The following ARHGAP24 variants were observed in gnomAD, a reference collection of about 807,000 sequenced individuals.
The protein encoded by ARHGAP24 is rho GTPase-activating protein 24.
Under a neutral mutation model 76.4 loss-of-function variants are expected in ARHGAP24, and 50 were observed. The observed-to-expected ratio is 0.65, with a 90% CI of 0.52 to 0.83. The LOEUF is 0.83. Among genes scored for constraint, ARHGAP24 ranks in the 40% least tolerant of loss-of-function variants. The probability of loss-of-function intolerance (pLI) is 0.00; values close to 1 mark genes in which losing one functional copy is unlikely to be tolerated. For synonymous variants in ARHGAP24, 345 were observed against 323.3 expected, an observed-to-expected ratio of 1.07 and a Z score of -0.72; for missense variants, 930 against 914.2, an observed-to-expected ratio of 1.02 and a Z score of -0.22.
At chr4:85,838,623 T>G (rs1221081374) in intron 3 of ARHGAP24, among the ~76,000 whole-genome samples, 3 of 152,214 alleles carry the variant, frequency 2.0e-5, no homozygotes, top group Admixed American at 1.3e-4. Context: ...AAATAACTAC[T>G]GCAAAATGTG....
intron 2 of ARHGAP24, among the ~76,000 whole-genome samples, chr4:85,681,707 C>T (rs1268296378): frequency 6.6e-6 from 1 of 152,190 alleles, no homozygotes; most frequent in Non-Finnish European, 1.5e-5. Flanking sequence ...CAATAGGTAA[C>T]AGTTCTTCAT....
chr4:85,778,800 A>G, intron 3 of ARHGAP24: 1 of 985,398 alleles, frequency 1.0e-6, no homozygotes, highest in Non-Finnish European at 1.2e-6. Flanking sequence ...ACTTAAATAT[A>G]GCTACCACCG....
chr4:85,917,651 C>T (rs1478405933), intron 3 of ARHGAP24, among the ~76,000 whole-genome samples: 2 of 152,158 alleles, frequency 1.3e-5, no homozygotes, highest in Non-Finnish European at 2.9e-5. Context: ...ATTTGCATTT[C>T]TCTGATGGCC....
chr4:85,991,772 T>C (rs1044096174), intron 8 of ARHGAP24: 4 of 174,202 alleles, frequency 2.3e-5, no homozygotes, highest in Admixed American at 1.3e-4. Context: ...TTCAGGAGTA[T>C]ACACATTTGT....
chr4:85,831,719 T>C (rs989454875), intron 3 of ARHGAP24, among the ~76,000 whole-genome samples: 4 of 152,070 alleles, frequency 2.6e-5, no homozygotes, highest in Non-Finnish European at 4.4e-5. Context: ...CTAGACAACA[T>C]AGCAAAACTC....
chr4:85,564,589 T>TCCGCAA (rs1457095119), intron 1 of ARHGAP24, among the ~76,000 whole-genome samples: 1 of 151,442 alleles, frequency 6.6e-6, no homozygotes, highest in African/African-American at 2.4e-5. Context: ...AGAGCAGTGG[T>TCCGCAA]CCGCAACCTT....
chr4:85,997,401 TAGATAGATAGA>T, intron 9 of ARHGAP24, among the ~76,000 whole-genome samples: 1 of 114,960 alleles, frequency 8.7e-6, no homozygotes, highest in Non-Finnish European at 2.1e-5. Flanking sequence ...GATAGATAGA[TAGATAGATAGA>T]TAATATTTTA....
chr4:85,823,934 T>G (rs1001863014), intron 3 of ARHGAP24, among the ~76,000 whole-genome samples: 10 of 150,278 alleles, frequency 6.7e-5, no homozygotes, highest in Non-Finnish European at 1.0e-4. Context: ...TTAGGAAACT[T>G]TGAATGAAAG....
At chr4:85,707,576 C>A (rs1011199581) in intron 2 of ARHGAP24, among the ~76,000 whole-genome samples, 4 of 152,104 alleles carry the variant, frequency 2.6e-5, no homozygotes, top group African/African-American at 9.7e-5. Context: ...TAGGTAATAA[C>A]AAGCAGGGAT....
intron 2 of ARHGAP24, among the ~76,000 whole-genome samples, chr4:85,700,451 G>T (rs1430657184): frequency 2.0e-5 from 3 of 151,460 alleles, no homozygotes; most frequent in Non-Finnish European, 4.4e-5. Context: ...AACAGGAGTT[G>T]CTAATGCAGC....
At position 85,675,134 on chromosome 4, in the gene ARHGAP24, A is replaced by G. The variant is rs538913241; in HGVS notation, c.181-46751A>G. The stretch of plus-strand genomic sequence containing the variant: ...AGACTGGTAAGCATTGTCCTTTGGC[A>G]GGAGTGAAAACCTAAAGGCTGCATG... On this transcript the variant is annotated intron_variant, in intron 2 of 9. Transcript: ENST00000395184. Among the ~76,000 whole-genome samples the G allele has an allele frequency of 1.3e-3, 198 of 152,340 alleles. 1 individual carries two copies. Among genetic ancestry groups the G allele is most frequent in the African/African-American group, 4.6e-3 (193 of 41,582 alleles).
chr4:85,972,286 G>C (rs1042180948), intron 6 of ARHGAP24, 118 bp downstream of exon 6: 7 of 1,340,580 alleles, frequency 5.2e-6, no homozygotes, highest in Middle Eastern at 2.1e-4. Flanking sequence ...ACTATCCTTT[G>C]AATTGACCTC....
chr4:85,702,945 A>T (rs945879978), intron 2 of ARHGAP24, among the ~76,000 whole-genome samples: 1 of 152,072 alleles, frequency 6.6e-6, no homozygotes, highest in African/African-American at 2.4e-5. Flanking sequence ...GCTGTGATGG[A>T]CAGAGAAAGG....
At chr4:85,909,028 A>G (rs1481238545) in intron 3 of ARHGAP24, among the ~76,000 whole-genome samples, 1 of 152,180 alleles carries the variant, frequency 6.6e-6, no homozygotes, top group African/African-American at 2.4e-5. Context: ...CCAATTCACT[A>G]ATCATTTAGC....
chr4:85,647,658 A>G (rs1158375379), intron 2 of ARHGAP24, among the ~76,000 whole-genome samples: 2 of 152,176 alleles, frequency 1.3e-5, no homozygotes, highest in African/African-American at 4.8e-5. Context: ...ACTCTACAGT[A>G]GTTGATCAGG....
chr4:85,714,711 A>G (rs1724670316), intron 2 of ARHGAP24, among the ~76,000 whole-genome samples: 2 of 152,114 alleles, frequency 1.3e-5, no homozygotes, highest in Non-Finnish European at 2.9e-5. Flanking sequence ...CCAAAAAATT[A>G]TGCATCAGAA....
At chr4:85,798,694 C>T (rs923359188) in intron 3 of ARHGAP24, among the ~76,000 whole-genome samples, 1 of 152,148 alleles carries the variant, frequency 6.6e-6, no homozygotes, top group Admixed American at 6.5e-5. Context: ...AATTTTTGTA[C>T]TATTTTTGCA....
chr4:85,756,949 C>G (rs1314125644), intron 3 of ARHGAP24, among the ~76,000 whole-genome samples: 6 of 152,158 alleles, frequency 3.9e-5, no homozygotes, highest in Non-Finnish European at 2.9e-5. Flanking sequence ...TTTATTGGAG[C>G]CCCGAGTAAT....
At chr4:85,672,142 G>T (rs1722834825) in intron 2 of ARHGAP24, among the ~76,000 whole-genome samples, 1 of 152,086 alleles carries the variant, frequency 6.6e-6, no homozygotes, top group Non-Finnish European at 1.5e-5. Flanking sequence ...AAACCATATG[G>T]ATTAAATTTC....
Sources: gnomAD v4.1 joint callset for allele counts (sites outside exome capture counted in the v4.1 genomes callset) on GRCh38, gnomAD v4.1.1 for gene constraint, MANE v1.5 for transcripts, NCBI Gene and HGNC (gene_info 2026-07-23, HGNC 2026-07-21) for gene names.